The following STAP1 variants were observed in gnomAD, a reference collection of about 807,000 sequenced individuals.
STAP1 encodes signal-transducing adaptor protein 1.
A neutral mutation model predicts 37.8 loss-of-function variants in STAP1; 30 were observed. That is an observed-to-expected ratio of 0.79 (90% CI 0.59 to 1.08). The LOEUF (loss-of-function observed/expected upper bound fraction) is 1.08. STAP1 is among the 50% of genes least tolerant of loss of function. The probability of loss-of-function intolerance (pLI) is 0.00; values close to 1 mark genes in which losing one functional copy is unlikely to be tolerated. For synonymous variants in STAP1, 130 were observed against 116.0 expected (o/e 1.12, Z -0.78); for missense variants, 357 against 349.4 (o/e 1.02, Z -0.17).
At chr4:67,591,514 A>T (rs1004195313) in intron 7 of STAP1, among the ~76,000 whole-genome samples, 14 of 152,236 alleles carry the variant, frequency 9.2e-5, no homozygotes, top group Admixed American at 4.6e-4. Flanking sequence ...ATTGGTATTT[A>T]CACTGTTCTG....
At chr4:67,592,621 T>C (rs1427394441) in intron 7 of STAP1, among the ~76,000 whole-genome samples, 2 of 152,164 alleles carry the variant, frequency 1.3e-5, no homozygotes, top group Non-Finnish European at 2.9e-5. Context: ...CCTTCTTTGT[T>C]CTTCTACTCA....
chr4:67,596,827 C>A (rs371522629), intron 8 of STAP1, among the ~76,000 whole-genome samples: 1 of 152,128 alleles, frequency 6.6e-6, no homozygotes, highest in African/African-American at 2.4e-5. Context: ...CAGTCATATG[C>A]ATTCACAAAG....
At chr4:67,584,090 T>A in intron 6 of STAP1, among the ~76,000 whole-genome samples, 1 of 99,404 alleles carries the variant, frequency 1.0e-5, no homozygotes. Flanking sequence ...AGAGTGAGAC[T>A]CGGTCTCGAA....
chr4:67,577,451 CA>C (rs1282341510), intron 4 of STAP1, among the ~76,000 whole-genome samples, 192 bp downstream of exon 4: 1 of 151,976 alleles, frequency 6.6e-6, no homozygotes, highest in Non-Finnish European at 1.5e-5. Context: ...AACAAGTAAA[CA>C]GATGATCATT....
intron 1 of STAP1, among the ~76,000 whole-genome samples, chr4:67,560,962 T>C (rs1442368222): frequency 2.0e-5 from 3 of 152,202 alleles, no homozygotes; most frequent in Non-Finnish European, 4.4e-5. Flanking sequence ...AAGTACCTTT[T>C]ACTTGTATGT....
intron 1 of STAP1, among the ~76,000 whole-genome samples, chr4:67,567,683 T>C (rs1044188580): frequency 1.3e-5 from 2 of 152,184 alleles, no homozygotes; most frequent in African/African-American, 4.8e-5. Context: ...AGCTTGCCCA[T>C]TGGGTTTTGC....
chr4:67,571,027 T>A (rs1305731429), intron 1 of STAP1, 57 bp from the exon 2 acceptor site: 1 of 1,362,406 alleles, frequency 7.3e-7, no homozygotes, highest in East Asian at 2.3e-5. Flanking sequence ...ATAATATTAT[T>A]AGAAAAATAG....
At chr4:67,577,287 TC>T in intron 4 of STAP1, 28 bp downstream of exon 4, 1 of 1,583,334 alleles carries the variant, frequency 6.3e-7, no homozygotes, top group Non-Finnish European at 8.6e-7. Context: ...TTTGATTGAT[TC>T]TTTTTTTTTT....
Position 67,593,359 on chromosome 4 carries a change from AT to A in STAP1, c.826+4del. On this transcript the variant is annotated splice_donor_region_variant and intron_variant, in intron 8 of 8. Transcript: ENST00000265404. Reference sequence around the variant, plus strand: ...ATGTTCAACTGATGAAAACACTGGTATGTTTTTCACTTCATTGCTATGTTAA... The same window carrying A: ...ATGTTCAACTGATGAAAACACTGGTAGTTTTTCACTTCATTGCTATGTTAA... 6.3e-7 allele frequency: 1 copy of A among 1,593,964 alleles called. No individual in the cohort carries two copies. Among genetic ancestry groups the A allele is most frequent in the Non-Finnish European group, 8.6e-7 (1 of 1,164,712 alleles).
At chr4:67,568,436 A>T (rs539628642) in intron 1 of STAP1, among the ~76,000 whole-genome samples, 1 of 152,344 alleles carries the variant, frequency 6.6e-6, no homozygotes, top group Admixed American at 6.5e-5. Context: ...GAAAAGCTGC[A>T]TATGAAAGTA....
rs60099631 is a variant in STAP1, at chr4:67,584,098, GAAA to G, written c.659+412_659+414del. Among the ~76,000 whole-genome samples, 92 of 94,402 alleles carry G rather than the reference GAAA, an allele frequency of 9.7e-4. 1 individual carries two copies. Among genetic ancestry groups the G allele is most frequent in the African/African-American group, 1.1e-3 (29 of 25,436 alleles). The allele number at this position is 94,402 out of a possible 152,430, so 61.9% of individuals were successfully genotyped here. A position where few individuals can be genotyped will look rare whatever the true frequency, so the allele number is the denominator to read the frequency against. On this transcript the variant is annotated intron_variant, in intron 6 of 8. Transcript: ENST00000265404. Reference sequence around the variant, plus strand: ...GGGTGACAGAGTGAGACTCGGTCTCGAAAAAAAAAAAAAAAAAAGAACACAAGA... The same window carrying G: ...GGGTGACAGAGTGAGACTCGGTCTCGAAAAAAAAAAAAAAAGAACACAAGA...
At chr4:67,578,382 T>A (rs936113907) in intron 4 of STAP1, among the ~76,000 whole-genome samples, 1 of 152,246 alleles carries the variant, frequency 6.6e-6, no homozygotes, top group African/African-American at 2.4e-5. Flanking sequence ...AAATAAGCAC[T>A]GCACTTTACC....
intron 8 of STAP1, among the ~76,000 whole-genome samples, chr4:67,598,858 T>C (rs10025198): frequency 0.16 from 24,062 of 152,156 alleles, 3,243 homozygotes; most frequent in African/African-American, 0.36. Flanking sequence ...TCTAGACCAA[T>C]GTCTTGGAGA....
rs762296346 is a variant in STAP1 at position 67,581,372 on chromosome 4, G to A, written c.431G>A (p.Arg144Lys). The change falls in exon 5 of 9, where the codon AGA becomes AAA. Residue 144 changes from arginine to lysine, a missense_variant. Arg to Lys is a conservative substitution (Grantham distance 26). Transcript: ENST00000265404. ...ATTAAACTGCATGAAGTCCTAGAGA[G>A]AGAAAAGAAAAGGAGGATTGAGACA... Reference protein sequence around the residue: ...QVIKLHEVLEREKKRRIETEQ... With the variant: ...QVIKLHEVLEKEKKRRIETEQ... 1.9e-6 allele frequency: 3 copies of A among 1,613,986 alleles called. No homozygotes were observed. Among genetic ancestry groups the A allele is most frequent in the Non-Finnish European group, 2.5e-6 (3 of 1,179,994 alleles).
chr4:67,587,943 C>T (rs188712931), intron 6 of STAP1, among the ~76,000 whole-genome samples: 4 of 148,552 alleles, frequency 2.7e-5, no homozygotes, highest in African/African-American at 7.4e-5. Flanking sequence ...AGGCTGGTCT[C>T]GAACTCCTGA....
intron 1 of STAP1, among the ~76,000 whole-genome samples, chr4:67,565,338 C>A (rs1196659527): frequency 1.3e-5 from 2 of 152,076 alleles, no homozygotes; most frequent in Non-Finnish European, 2.9e-5. Context: ...TTTAAGAAAA[C>A]ATGAAAGGGT....
At chr4:67,572,493 T>A (rs1727626744) in intron 2 of STAP1, among the ~76,000 whole-genome samples, 1 of 152,120 alleles carries the variant, frequency 6.6e-6, no homozygotes, top group Admixed American at 6.6e-5. Flanking sequence ...CTGCCACTGT[T>A]CTCCAGTGGT....
chr4:67,570,814 C>T (rs896388448), intron 1 of STAP1, among the ~76,000 whole-genome samples: 1 of 151,866 alleles, frequency 6.6e-6, no homozygotes, highest in Non-Finnish European at 1.5e-5. Flanking sequence ...CCTGTAGTCC[C>T]AGCTACTTGG....
At chr4:67,563,844 A>G (rs188040661) in intron 1 of STAP1, among the ~76,000 whole-genome samples, 70 of 152,122 alleles carry the variant, frequency 4.6e-4, no homozygotes, top group Middle Eastern at 3.4e-3. Flanking sequence ...AAATTCTACC[A>G]TTTGATTGTA....
Sources: gnomAD v4.1 joint callset for allele counts (sites outside exome capture counted in the v4.1 genomes callset) on GRCh38, gnomAD v4.1.1 for gene constraint, MANE v1.5 for transcripts, NCBI Gene and HGNC (gene_info 2026-07-23, HGNC 2026-07-21) for gene names.